Variants in GREM2 observed in about 807,000 individuals in gnomAD.
GREM2 encodes the protein gremlin 2, DAN family BMP antagonist.
In GREM2, 11 loss-of-function variants were observed where a neutral mutation model predicts 14.2. The ratio of observed to expected loss-of-function variants is 0.78; its 90% confidence interval spans 0.49 to 1.28. GREM2 has a LOEUF of 1.28. GREM2 is among the 50% of genes most tolerant of loss of function. GREM2 has a pLI of 0.00. For missense variants in GREM2, 210 were observed against 218.5 expected (o/e 0.96, Z 0.24); for synonymous variants, 98 against 97.6 (o/e 1.00, Z -0.02).
intron 1 of GREM2, among the ~76,000 whole-genome samples, chr1:240,495,383 C>T (rs1290844518): frequency 6.6e-6 from 1 of 151,082 alleles, no homozygotes; most frequent in Non-Finnish European, 1.5e-5. Context: ...TAGTATATAT[C>T]AGTTGTTATA....
intron 1 of GREM2, among the ~76,000 whole-genome samples, chr1:240,510,185 C>T (rs565138096): frequency 2.0e-4 from 31 of 151,864 alleles, no homozygotes; most frequent in South Asian, 2.1e-4. Context: ...CTGGCTAACA[C>T]GGTGAAACCC....
chr1:240,506,591 AG>A (rs1469629085), intron 1 of GREM2, among the ~76,000 whole-genome samples: 1 of 152,216 alleles, frequency 6.6e-6, no homozygotes, highest in African/African-American at 2.4e-5. Context: ...GGAAAAGTGA[AG>A]AAAAAAAGTG....
At chr1:240,515,366 G>A (rs1455403607) in intron 1 of GREM2, among the ~76,000 whole-genome samples, 2 of 152,068 alleles carry the variant, frequency 1.3e-5, no homozygotes, top group South Asian at 2.1e-4. Context: ...ATGGACCTAC[G>A]AGTCCAACTT....
intron 1 of GREM2, among the ~76,000 whole-genome samples, chr1:240,567,347 C>T (rs890427073): frequency 2.6e-5 from 4 of 151,926 alleles, no homozygotes; most frequent in African/African-American, 9.7e-5. Flanking sequence ...CAATGAACCT[C>T]AAACACAAGA....
In GREM2 at chr1:240,540,074, G is replaced by T. The variant is rs1678552229; in HGVS notation, c.-1-46598C>A. On this transcript the variant is annotated intron_variant, in intron 1 of 1. Coordinates refer to ENST00000318160, the MANE Select transcript of GREM2 (RefSeq NM_022469.4). The surrounding 1 kb of genome is among the most constrained non-coding windows in gnomAD (Gnocchi z 4.2). ...TGACATTAGCTTGGCATAGCTGACAGCCACTCTGTTCCTATACCCCTGACT... is the reference window on the plus strand; with the variant it reads ...TGACATTAGCTTGGCATAGCTGACATCCACTCTGTTCCTATACCCCTGACT... Among the ~76,000 whole-genome samples the T allele has an allele frequency of 6.6e-6, 1 of 152,132 alleles. No homozygotes were observed. The highest frequency in any genetic ancestry group is 1.5e-5 in the Non-Finnish European group (1 of 68,028).
chr1:240,611,766 C>T (rs1441429009), intron 1 of GREM2, 118 bp downstream of exon 1: 1 of 152,632 alleles, frequency 6.6e-6, no homozygotes, highest in African/African-American at 2.4e-5. Flanking sequence ...GACGTCCACT[C>T]AGGGCTTTCG....
chr1:240,604,361 G>T (rs912558352), intron 1 of GREM2, among the ~76,000 whole-genome samples: 1 of 151,376 alleles, frequency 6.6e-6, no homozygotes, highest in Non-Finnish European at 1.5e-5. Flanking sequence ...ATATACAATT[G>T]TCTGGTCCTG....
In GREM2 at chr1:240,493,209, G is replaced by T. The variant is rs767493546; in HGVS notation, c.267C>A (p.Ser89Arg). Residue 89 changes from serine to arginine, a missense_variant, in exon 2 of 2, where the codon AGC (serine) becomes AGA (arginine). Coordinates refer to ENST00000318160, the MANE Select transcript of GREM2 (RefSeq NM_022469.4). Reference sequence around the variant, plus strand: ...AGCAGAAGCGGTTGAGGATGGTGCGGCTCCGGCAGCCCTCCTCGCTCACCG... The same window carrying T: ...AGCAGAAGCGGTTGAGGATGGTGCGTCTCCGGCAGCCCTCCTCGCTCACCG... The part of the protein sequence containing the change: ...RQTVSEEGCR[S>R]RTILNRFCYG... The T allele has an allele frequency of 6.2e-7, 1 of 1,614,112 alleles. No individual in the cohort carries two copies.
At chr1:240,509,310 G>GGTC in intron 1 of GREM2, among the ~76,000 whole-genome samples, 1 of 151,946 alleles carries the variant, frequency 6.6e-6, no homozygotes, top group South Asian at 2.1e-4. Context: ...GTGTAGTGAA[G>GGTC]GTCAGCATGC....
At chr1:240,535,391 C>T (rs1387959246) in intron 1 of GREM2, among the ~76,000 whole-genome samples, 1 of 152,074 alleles carries the variant, frequency 6.6e-6, no homozygotes, top group Non-Finnish European at 1.5e-5. Context: ...TTAACTACAA[C>T]ATTTCTTTGA....
intron 1 of GREM2, among the ~76,000 whole-genome samples, chr1:240,569,750 A>G (rs1295988750): frequency 6.6e-6 from 1 of 152,202 alleles, no homozygotes; most frequent in Non-Finnish European, 1.5e-5. Flanking sequence ...CTCACATAAG[A>G]AAAAGAAAGG....
chr1:240,554,795 G>A (rs1385644174), intron 1 of GREM2, among the ~76,000 whole-genome samples: 1 of 152,082 alleles, frequency 6.6e-6, no homozygotes, highest in Non-Finnish European at 1.5e-5. Flanking sequence ...CATTTCTTGT[G>A]CCTTTTCCTC....
At chr1:240,523,563 T>C (rs1678152926) in intron 1 of GREM2, among the ~76,000 whole-genome samples, 2 of 152,208 alleles carry the variant, frequency 1.3e-5, no homozygotes, top group African/African-American at 2.4e-5. Flanking sequence ...TTTTTGTTGT[T>C]GTTGTTTTGG....
intron 1 of GREM2, among the ~76,000 whole-genome samples, chr1:240,598,857 A>C (rs1028477116): frequency 7.9e-5 from 12 of 152,182 alleles, no homozygotes; most frequent in African/African-American, 2.4e-4. Context: ...TGCATAGTCC[A>C]TCTGGCTACT....
At chr1:240,499,336 G>C (rs147632577) in intron 1 of GREM2, among the ~76,000 whole-genome samples, 1 of 152,156 alleles carries the variant, frequency 6.6e-6, no homozygotes, top group African/African-American at 2.4e-5. Context: ...GGTGAATGGC[G>C]TGGGGCTGAA....
chr1:240,516,201 T>G (rs930843579), intron 1 of GREM2, among the ~76,000 whole-genome samples: 1 of 151,384 alleles, frequency 6.6e-6, no homozygotes, highest in African/African-American at 2.4e-5. Flanking sequence ...GCTCAAGCAA[T>G]TATCCCACCT....
At chr1:240,510,943 G>A (rs1270156640) in intron 1 of GREM2, among the ~76,000 whole-genome samples, 2 of 152,104 alleles carry the variant, frequency 1.3e-5, no homozygotes, top group Non-Finnish European at 2.9e-5. Context: ...AAAATTATTT[G>A]CTATTTGTAG....
intron 1 of GREM2, among the ~76,000 whole-genome samples, chr1:240,603,051 T>C (rs1332752909): frequency 1.3e-5 from 2 of 151,832 alleles, no homozygotes; most frequent in Non-Finnish European, 2.9e-5. Flanking sequence ...CCAGCCTGGG[T>C]GACAGAGCTG....
rs1320749372 is a variant in GREM2, at chr1:240,531,540, T to C, written c.-1-38064A>G. 4 of 622,878 alleles carry C rather than the reference T, an allele frequency of 6.4e-6. No homozygotes were observed. In the Admixed American group the frequency reaches 2.5e-4, roughly 39 times the overall value. The allele number at this position is 622,878 out of a possible 1,614,324, so 38.6% of individuals were successfully genotyped here. A position where few individuals can be genotyped will look rare whatever the true frequency, so the allele number is the denominator to read the frequency against. ...TCCACTGAGTGCTTCTTCTTTTCAT[T>C]GGAAAAGAAAAGCTTCCCAAACAAA... On this transcript the variant is annotated intron_variant, in intron 1 of 1. Coordinates refer to ENST00000318160, the MANE Select transcript of GREM2 (RefSeq NM_022469.4).
Sources: gnomAD v4.1 joint callset for allele counts (sites outside exome capture counted in the v4.1 genomes callset) on GRCh38, gnomAD v4.1.1 for gene constraint, Gnocchi (gnomAD v3.1) non-coding constraint, MANE v1.5 for transcripts, NCBI Gene and HGNC (gene_info 2026-07-23, HGNC 2026-07-21) for gene names.